The following GRIA4 variants were observed in gnomAD, a reference collection of about 807,000 sequenced individuals.
The protein encoded by GRIA4 is glutamate ionotropic receptor AMPA type subunit 4.
Under a neutral mutation model 104.0 loss-of-function variants are expected in GRIA4, and 34 were observed. The observed-to-expected ratio is 0.33, with a 90% CI of 0.25 to 0.44. The LOEUF is 0.44. Ranked by LOEUF, GRIA4 falls within the 20% of genes least tolerant of loss-of-function variation. GRIA4 has a pLI of 1.00. For synonymous variants in GRIA4, 386 were observed against 381.9 expected, an observed-to-expected ratio of 1.01 and a Z score of -0.13; for missense variants, 750 against 1,096.5, an observed-to-expected ratio of 0.68 and a Z score of 4.46.
intron 3 of GRIA4, among the ~76,000 whole-genome samples, chr11:105,626,543 T>C (rs1346639195): frequency 6.6e-6 from 1 of 152,160 alleles, no homozygotes; most frequent in Non-Finnish European, 1.5e-5. Context: ...TTTGTAACAA[T>C]TTATCAAAAG....
intron 14 of GRIA4, among the ~76,000 whole-genome samples, chr11:105,948,589 C>CTTTTTTTTTTTTTTTTTTTTTTT (rs1383366276): frequency 1.8e-5 from 2 of 111,208 alleles, no homozygotes; most frequent in African/African-American, 3.4e-5. Flanking sequence ...CTTTTCTTTT[C>CTTTTTTTTTTTTTTTTTTTTTTT]TTTTTGTTTT....
At chr11:105,668,365 T>A (rs192546242) in intron 3 of GRIA4, among the ~76,000 whole-genome samples, 1 of 148,942 alleles carries the variant, frequency 6.7e-6, no homozygotes, top group Admixed American at 6.7e-5. Context: ...ATATATTGTA[T>A]ATATATAAAA....
At chr11:105,802,125 A>G (rs1336041784) in intron 4 of GRIA4, among the ~76,000 whole-genome samples, 1 of 152,068 alleles carries the variant, frequency 6.6e-6, no homozygotes, top group Non-Finnish European at 1.5e-5. Flanking sequence ...CAGTGACCCA[A>G]AGCAAACTTA....
intron 3 of GRIA4, among the ~76,000 whole-genome samples, chr11:105,622,713 G>A (rs956005928): frequency 1.3e-5 from 2 of 151,574 alleles, no homozygotes; most frequent in Non-Finnish European, 2.9e-5. Context: ...AATTTATGAG[G>A]TAGAAATGCA....
intron 3 of GRIA4, among the ~76,000 whole-genome samples, chr11:105,696,431 C>T (rs1414139773): frequency 6.6e-6 from 1 of 152,022 alleles, no homozygotes; most frequent in Non-Finnish European, 1.5e-5. Context: ...TTAGTGAAAC[C>T]ATTTATTTTA....
intron 3 of GRIA4, among the ~76,000 whole-genome samples, chr11:105,653,273 C>T (rs909327420): frequency 5.9e-5 from 9 of 152,184 alleles, no homozygotes; most frequent in African/African-American, 1.2e-4. Flanking sequence ...CACTTTCCAG[C>T]TTCTCTTTCA....
intron 3 of GRIA4, 44 bp downstream of exon 3, chr11:105,612,478 C>A (rs1950505614): frequency 1.3e-6 from 2 of 1,501,458 alleles, no homozygotes; most frequent in Admixed American, 3.4e-5. Flanking sequence ...AGAACTGAAA[C>A]CAAGCAATGG....
chr11:105,913,312 AT>A, intron 10 of GRIA4: 1 of 600,978 alleles, frequency 1.7e-6, no homozygotes. Flanking sequence ...GTTGAAAGTT[AT>A]TTTTTCTTGT....
chr11:105,777,916 G>A (rs998639258), intron 4 of GRIA4, among the ~76,000 whole-genome samples: 3 of 152,144 alleles, frequency 2.0e-5, no homozygotes, highest in Non-Finnish European at 2.9e-5. Flanking sequence ...GACAGAGATC[G>A]AGAACTGAAT....
At chr11:105,676,083 T>C (rs918708552) in intron 3 of GRIA4, among the ~76,000 whole-genome samples, 1 of 151,788 alleles carries the variant, frequency 6.6e-6, no homozygotes. Context: ...AACAGGGATA[T>C]GCTAATAAAT....
At chr11:105,873,201 T>G (rs1591378008) in intron 5 of GRIA4, among the ~76,000 whole-genome samples, 1 of 152,306 alleles carries the variant, frequency 6.6e-6, no homozygotes, top group East Asian at 1.9e-4. Flanking sequence ...TGTGTTAGTT[T>G]GCTGAGAATG....
At chr11:105,767,609 A>C (rs530822132) in intron 4 of GRIA4, among the ~76,000 whole-genome samples, 1 of 152,290 alleles carries the variant, frequency 6.6e-6, no homozygotes, top group East Asian at 1.9e-4. Context: ...GTTGCTTTTA[A>C]GTAATATCTG....
At chr11:105,845,247 T>C (rs1428386531) in intron 4 of GRIA4, among the ~76,000 whole-genome samples, 1 of 152,168 alleles carries the variant, frequency 6.6e-6, no homozygotes, top group Non-Finnish European at 1.5e-5. Flanking sequence ...GGGTTATCAG[T>C]TGTTAACACT....
intron 3 of GRIA4, among the ~76,000 whole-genome samples, chr11:105,640,220 A>T (rs1049312725): frequency 3.3e-5 from 5 of 151,950 alleles, no homozygotes; most frequent in Non-Finnish European, 7.4e-5. Flanking sequence ...GATGTTTCAT[A>T]AGAATTTCAA....
chr11:105,959,563 T>C (rs1948681603), intron 14 of GRIA4, among the ~76,000 whole-genome samples: 1 of 152,186 alleles, frequency 6.6e-6, no homozygotes, highest in Non-Finnish European at 1.5e-5. Context: ...TTTTAGCTCA[T>C]CGTAGTTTTT....
chr11:105,791,498 G>A (rs563594861), intron 4 of GRIA4, among the ~76,000 whole-genome samples: 15 of 152,176 alleles, frequency 9.9e-5, no homozygotes, highest in Admixed American at 5.9e-4. Flanking sequence ...CATATTCATC[G>A]TTAATGAAGA....
At chr11:105,681,400 A>C (rs545888255) in intron 3 of GRIA4, among the ~76,000 whole-genome samples, 4 of 152,208 alleles carry the variant, frequency 2.6e-5, no homozygotes, top group African/African-American at 9.6e-5. Flanking sequence ...CACTTAAGAA[A>C]AGTCATGAAG....
chr11:105,653,999 C>CAAAAAAAAAAAAAAAAAAAAAAAAAAAA lies in GRIA4; in HGVS notation c.247+41566_247+41593dup. 1.8e-4 allele frequency among the ~76,000 whole-genome samples: 9 copies of CAAAAAAAAAAAAAAAAAAAAAAAAAAAA among 50,286 alleles called. 1 individual carries two copies. Among genetic ancestry groups the CAAAAAAAAAAAAAAAAAAAAAAAAAAAA allele is most frequent in the African/African-American group, 3.9e-4 (5 of 12,732 alleles). The allele number at this position is 50,286 out of a possible 152,430, so 33.0% of individuals were successfully genotyped here. ...TATATGCAACGGAACACTATTTAGC[C>CAAAAAAAAAAAAAAAAAAAAAAAAAAAA]AAAAAAAAAAAAAAAAAAAAAAAAA... On this transcript the variant is annotated intron_variant, in intron 3 of 16. Transcript: ENST00000282499.
At chr11:105,935,957 A>G (rs1948023762) in intron 14 of GRIA4, among the ~76,000 whole-genome samples, 1 of 152,148 alleles carries the variant, frequency 6.6e-6, no homozygotes, top group Non-Finnish European at 1.5e-5. Flanking sequence ...CAATTGTTAA[A>G]TTCAGCTTCC....
Sources: allele counts gnomAD v4.1 joint callset (sites outside exome capture counted in the v4.1 genomes callset), GRCh38; gene constraint gnomAD v4.1.1; transcripts MANE v1.5; gene names NCBI Gene and HGNC (gene_info 2026-07-23, HGNC 2026-07-21).